Variants in KHDRBS3 observed in about 807,000 individuals in gnomAD.
The protein encoded by KHDRBS3 is KH domain-containing, RNA-binding, signal transduction-associated protein 3.
In KHDRBS3, 23 loss-of-function variants were observed where a neutral mutation model predicts 45.6. The observed-to-expected ratio is 0.50, with a 90% CI of 0.36 to 0.72. The LOEUF is 0.72. Among genes scored for constraint, KHDRBS3 ranks in the 30% least tolerant of loss-of-function variants. The probability of loss-of-function intolerance (pLI) is 0.00; values close to 1 mark genes in which losing one functional copy is unlikely to be tolerated. For missense variants in KHDRBS3, 352 were observed against 424.8 expected, an observed-to-expected ratio of 0.83 and a Z score of 1.51; for synonymous variants, 162 against 156.5, an observed-to-expected ratio of 1.04 and a Z score of -0.26.
intron 6 of KHDRBS3, among the ~76,000 whole-genome samples, chr8:135,598,525 A>G (rs896763292): frequency 3.3e-5 from 5 of 152,238 alleles, no homozygotes; most frequent in African/African-American, 1.2e-4. Flanking sequence ...TGTAGAAGTC[A>G]CATAATATTT....
chr8:135,462,495 G>A (rs766108093), intron 1 of KHDRBS3, among the ~76,000 whole-genome samples: 4 of 151,990 alleles, frequency 2.6e-5, no homozygotes, highest in South Asian at 4.2e-4. Flanking sequence ...ATGAATTTTC[G>A]GTTTGTAGAT....
chr8:135,470,708 C>T (rs972465569), intron 1 of KHDRBS3, among the ~76,000 whole-genome samples: 2 of 151,982 alleles, frequency 1.3e-5, no homozygotes, highest in Non-Finnish European at 2.9e-5. Context: ...GCCTCAGCCT[C>T]CCAAGTAGCT....
intron 1 of KHDRBS3, among the ~76,000 whole-genome samples, chr8:135,490,164 T>C (rs775345190): frequency 6.6e-6 from 1 of 152,158 alleles, no homozygotes; most frequent in Non-Finnish European, 1.5e-5. Flanking sequence ...CTCCATGATG[T>C]TCCCACAGAA....
At chr8:135,585,919 A>C (rs988732857) in intron 6 of KHDRBS3, among the ~76,000 whole-genome samples, 8 of 152,202 alleles carry the variant, frequency 5.3e-5, no homozygotes, top group Non-Finnish European at 1.0e-4. Flanking sequence ...TGGTAAAAGC[A>C]TGTGATGGGA....
chr8:135,482,756 A>G (rs1488560135), intron 1 of KHDRBS3, among the ~76,000 whole-genome samples: 1 of 152,164 alleles, frequency 6.6e-6, no homozygotes, highest in Non-Finnish European at 1.5e-5. Context: ...GATTTGGGCA[A>G]GTTAGTCTAC....
intron 2 of KHDRBS3, chr8:135,539,605 T>C (rs1310549138): frequency 6.6e-6 from 1 of 152,228 alleles, no homozygotes; most frequent in African/African-American, 2.4e-5. Flanking sequence ...GCTGCTCTCT[T>C]AGGTGATTTT....
At chr8:135,537,706 A>T (rs527565387) in intron 2 of KHDRBS3, among the ~76,000 whole-genome samples, 1 of 152,190 alleles carries the variant, frequency 6.6e-6, no homozygotes, top group South Asian at 2.1e-4. Flanking sequence ...AGATACAATA[A>T]TTGACATCTG....
intron 5 of KHDRBS3, among the ~76,000 whole-genome samples, chr8:135,577,560 A>G (rs1211522731): frequency 6.6e-6 from 1 of 151,990 alleles, no homozygotes; most frequent in Non-Finnish European, 1.5e-5. Flanking sequence ...TGCATTTAAG[A>G]TTTATTCCTA....
At chr8:135,596,537 T>C (rs909651466) in intron 6 of KHDRBS3, among the ~76,000 whole-genome samples, 1 of 152,146 alleles carries the variant, frequency 6.6e-6, no homozygotes, top group African/African-American at 2.4e-5. Context: ...TATAGCAACA[T>C]AGTCCTGAAA....
At chr8:135,620,462 A>G (rs561744614) in intron 7 of KHDRBS3, among the ~76,000 whole-genome samples, 2 of 152,190 alleles carry the variant, frequency 1.3e-5, no homozygotes, top group East Asian at 3.9e-4. Flanking sequence ...TCACTCACTC[A>G]TGTAATGTAA....
intron 1 of KHDRBS3, among the ~76,000 whole-genome samples, chr8:135,469,633 A>G (rs1264462408): frequency 1.3e-5 from 2 of 149,718 alleles, no homozygotes; most frequent in Non-Finnish European, 3.0e-5. Context: ...GGTTCAAGCA[A>G]TTCTCCCGCC....
chr8:135,546,296 C>T lies in KHDRBS3; in HGVS notation c.325-2458C>T, dbSNP rs1410341655. Reference sequence around the variant, plus strand: ...AAGTTATCAGTTAATATGTTTATTTCTAAAGAGATTCCCATTACTTATTAT... The same window carrying T: ...AAGTTATCAGTTAATATGTTTATTTTTAAAGAGATTCCCATTACTTATTAT... On this transcript the variant is annotated intron_variant, in intron 3 of 8. Transcript: ENST00000355849. Among the ~76,000 whole-genome samples the T allele has an allele frequency of 2.0e-5, 3 of 152,066 alleles. No individual in the cohort carries two copies. In the East Asian group the frequency reaches 5.8e-4, roughly 29 times the overall value.
intron 1 of KHDRBS3, among the ~76,000 whole-genome samples, chr8:135,469,816 C>T (rs961852745): frequency 3.3e-5 from 5 of 152,136 alleles, no homozygotes; most frequent in Admixed American, 6.5e-5. Context: ...CGTGAGCCAC[C>T]GCGCCCGGCC....
chr8:135,487,965 CAT>C (rs1822948661), intron 1 of KHDRBS3, among the ~76,000 whole-genome samples: 1 of 151,448 alleles, frequency 6.6e-6, no homozygotes, highest in South Asian at 2.1e-4. Flanking sequence ...TATATCAAAT[CAT>C]TGTTAAAAAT....
At chr8:135,531,878 A>C (rs898334672) in intron 2 of KHDRBS3, among the ~76,000 whole-genome samples, 2 of 152,156 alleles carry the variant, frequency 1.3e-5, no homozygotes, top group African/African-American at 4.8e-5. Flanking sequence ...TGGGCATGGA[A>C]TTGTATATAT....
intron 1 of KHDRBS3, among the ~76,000 whole-genome samples, chr8:135,503,531 C>A (rs1027716095): frequency 2.0e-5 from 3 of 152,054 alleles, no homozygotes; most frequent in Non-Finnish European, 4.4e-5. Flanking sequence ...GTCACACTGA[C>A]ACAGGAGTAG....
At chr8:135,482,773 A>C (rs1229087111) in intron 1 of KHDRBS3, among the ~76,000 whole-genome samples, 1 of 152,168 alleles carries the variant, frequency 6.6e-6, no homozygotes, top group Non-Finnish European at 1.5e-5. Context: ...CTACCTCTGC[A>C]GCACTTTGCA....
intron 5 of KHDRBS3, among the ~76,000 whole-genome samples, chr8:135,563,686 G>A (rs541011341): frequency 6.6e-6 from 1 of 152,308 alleles, no homozygotes; most frequent in South Asian, 2.1e-4. Flanking sequence ...TTGACCACTG[G>A]AAATATTCTT....
chr8:135,539,392 C>T (rs899014955), intron 2 of KHDRBS3: 13 of 152,216 alleles, frequency 8.5e-5, no homozygotes, highest in Non-Finnish European at 1.6e-4. Flanking sequence ...ATTCCTCGGC[C>T]GATCTGGGTG....
Sources: gnomAD v4.1 joint callset for allele counts (sites outside exome capture counted in the v4.1 genomes callset) on GRCh38, gnomAD v4.1.1 for gene constraint, MANE v1.5 for transcripts, NCBI Gene and HGNC (gene_info 2026-07-23, HGNC 2026-07-21) for gene names.